Variants in ZCCHC24 observed in about 807,000 individuals in gnomAD.
ZCCHC24 encodes the protein zinc finger CCHC domain-containing protein 24.
A neutral mutation model predicts 26.2 loss-of-function variants in ZCCHC24; 10 were observed. The observed-to-expected ratio is 0.38, with a 90% CI of 0.24 to 0.65. ZCCHC24 has a LOEUF of 0.65. ZCCHC24 is among the 30% of genes least tolerant of loss of function. The probability of loss-of-function intolerance (pLI) is 0.54; values close to 1 mark genes in which losing one functional copy is unlikely to be tolerated. For synonymous variants in ZCCHC24, 144 were observed against 147.1 expected, an observed-to-expected ratio of 0.98 and a Z score of 0.15; for missense variants, 243 against 329.1, an observed-to-expected ratio of 0.74 and a Z score of 2.03.
chr10:79,406,217 A>G (rs1200568940), intron 2 of ZCCHC24, among the ~76,000 whole-genome samples: 1 of 152,206 alleles, frequency 6.6e-6, no homozygotes, highest in Non-Finnish European at 1.5e-5. Flanking sequence ...AAGGTCACAA[A>G]GCAAATAAGC....
At chr10:79,401,149 C>T (rs998129757) in intron 2 of ZCCHC24, among the ~76,000 whole-genome samples, 1 of 152,190 alleles carries the variant, frequency 6.6e-6, no homozygotes, top group African/African-American at 2.4e-5. Flanking sequence ...GCACTGTGCC[C>T]CAGGATGCAC....
chr10:79,444,090 C>A (rs770077427), intron 1 of ZCCHC24: 611 of 1,544,364 alleles, frequency 4.0e-4, no homozygotes, highest in Non-Finnish European at 5.1e-4. Flanking sequence ...CTCTGACTCT[C>A]CTAAAACTCA....
intron 3 of ZCCHC24, 50 bp from the exon 4 acceptor site, chr10:79,386,508 C>A: frequency 7.0e-7 from 1 of 1,426,740 alleles, no homozygotes; most frequent in Non-Finnish European, 9.6e-7. Context: ...GAGAGAAAGA[C>A]AGAAACACAG....
Position 79,385,921 on chromosome 10 carries a change from T to G in ZCCHC24, c.*424A>C. The G allele has an allele frequency of 4.9e-6, 2 of 405,074 alleles. No homozygotes were observed. Among genetic ancestry groups the G allele is most frequent in the Non-Finnish European group, 4.4e-6 (1 of 227,542 alleles). 25.1% of individuals were successfully genotyped at this position (405,074 alleles called of 1,614,324 possible). A position where few individuals can be genotyped will look rare whatever the true frequency, so the allele number is the denominator to read the frequency against. On this transcript the variant is annotated 3_prime_UTR_variant, in exon 4 of 4. Coordinates refer to ENST00000372336, the MANE Select transcript of ZCCHC24 (RefSeq NM_153367.4). The surrounding 1 kb of genome is among the most constrained non-coding windows in gnomAD (Gnocchi z 4.3). ...TTTCCATACAGGGCAAACCGGAAGGTTCTGGGTGGGGGCAGGCGGCCTGGC... is the reference window on the plus strand; with the variant it reads ...TTTCCATACAGGGCAAACCGGAAGGGTCTGGGTGGGGGCAGGCGGCCTGGC...
chr10:79,437,391 A>T (rs1330050739), intron 1 of ZCCHC24, among the ~76,000 whole-genome samples: 2 of 152,166 alleles, frequency 1.3e-5, no homozygotes, highest in Non-Finnish European at 2.9e-5. Context: ...CATATATTTG[A>T]CTAAATCTTT....
At chr10:79,394,015 C>G (rs146850154) in intron 3 of ZCCHC24, among the ~76,000 whole-genome samples, 1 of 152,352 alleles carries the variant, frequency 6.6e-6, no homozygotes, top group East Asian at 1.9e-4. Flanking sequence ...CTGCTTCCTG[C>G]TGTCCGCACA....
At chr10:79,408,049 G>A (rs1856742483) in intron 2 of ZCCHC24, among the ~76,000 whole-genome samples, 1 of 152,214 alleles carries the variant, frequency 6.6e-6, no homozygotes, top group Non-Finnish European at 1.5e-5. Context: ...GTTCAGGAAG[G>A]CAAAGGAACA....
chr10:79,442,641 A>G (rs1484009030), intron 1 of ZCCHC24, among the ~76,000 whole-genome samples: 1 of 152,182 alleles, frequency 6.6e-6, no homozygotes, highest in African/African-American at 2.4e-5. Flanking sequence ...CCTCGCACAG[A>G]ATGGTGATGC....
chr10:79,435,679 A>C (rs748201200), intron 1 of ZCCHC24, among the ~76,000 whole-genome samples: 2 of 152,230 alleles, frequency 1.3e-5, no homozygotes, highest in African/African-American at 4.8e-5. Flanking sequence ...TTCCCACATG[A>C]AAGATGGGGA....
chr10:79,429,047 A>C (rs946467830), intron 2 of ZCCHC24, among the ~76,000 whole-genome samples: 9 of 152,216 alleles, frequency 5.9e-5, no homozygotes, highest in Admixed American at 1.3e-4. Context: ...ATTCTATCAA[A>C]CATCTGGAAA....
At chr10:79,412,033 G>C (rs1188976911) in intron 2 of ZCCHC24, among the ~76,000 whole-genome samples, 2 of 152,202 alleles carry the variant, frequency 1.3e-5, no homozygotes, top group African/African-American at 4.8e-5. Flanking sequence ...GGAACCACGT[G>C]GGGAGTCTTG....
intron 2 of ZCCHC24, chr10:79,403,424 T>A: frequency 1.0e-6 from 1 of 985,438 alleles, no homozygotes; most frequent in Non-Finnish European, 1.2e-6. Context: ...CACACTCACA[T>A]GTCCACATGC....
At chr10:79,416,348 C>A (rs865785978) in intron 2 of ZCCHC24, among the ~76,000 whole-genome samples, 1 of 152,222 alleles carries the variant, frequency 6.6e-6, no homozygotes, top group Non-Finnish European at 1.5e-5. Flanking sequence ...TAGAACCAAA[C>A]GCGTTGGTAA....
intron 2 of ZCCHC24, among the ~76,000 whole-genome samples, chr10:79,408,207 G>A (rs1274776555): frequency 6.6e-6 from 1 of 152,188 alleles, no homozygotes; most frequent in Non-Finnish European, 1.5e-5. Context: ...TGGGTGCCCA[G>A]AAGCCTGGAC....
chr10:79,394,498 ACAGGGTTCCCCTGGCCTCCGCCT>A, intron 2 of ZCCHC24, 58 bp from the exon 3 acceptor site: 1 of 1,582,512 alleles, frequency 6.3e-7, no homozygotes, highest in Non-Finnish European at 8.6e-7. Flanking sequence ...ATGATGCCCC[ACAGGGTTCCCCTGGCCTCCGCCT>A]CAGTCTTCAT....
chr10:79,394,120 C>G (rs574415988), intron 3 of ZCCHC24, among the ~76,000 whole-genome samples, 156 bp downstream of exon 3: 3 of 152,312 alleles, frequency 2.0e-5, no homozygotes, highest in African/African-American at 7.2e-5. Flanking sequence ...CCATCATCCT[C>G]CTTCCCTTCC....
intron 1 of ZCCHC24, among the ~76,000 whole-genome samples, chr10:79,437,937 A>G (rs1421817665): frequency 1.3e-5 from 2 of 152,160 alleles, no homozygotes; most frequent in Non-Finnish European, 2.9e-5. Context: ...GGGAGAAGAG[A>G]GGGCACAGAA....
chr10:79,408,447 G>C (rs559725723), intron 2 of ZCCHC24, among the ~76,000 whole-genome samples: 1 of 152,236 alleles, frequency 6.6e-6, no homozygotes, highest in Non-Finnish European at 1.5e-5. Context: ...CAGGGAGCAG[G>C]GAAGGCTTTG....
At chr10:79,415,716 T>G (rs1172385393) in intron 2 of ZCCHC24, among the ~76,000 whole-genome samples, 1 of 152,174 alleles carries the variant, frequency 6.6e-6, no homozygotes, top group South Asian at 2.1e-4. Flanking sequence ...TCAGAGGTTG[T>G]TGGAGTGACA....
Sources: gnomAD v4.1 joint callset for allele counts (sites outside exome capture counted in the v4.1 genomes callset) on GRCh38, gnomAD v4.1.1 for gene constraint, Gnocchi (gnomAD v3.1) non-coding constraint, MANE v1.5 for transcripts, NCBI Gene and HGNC (gene_info 2026-07-23, HGNC 2026-07-21) for gene names.